PLXNA1: variants seen among roughly 807,000 people sequenced by gnomAD.
PLXNA1 encodes the protein plexin-A1.
In PLXNA1, 77 loss-of-function variants were observed where a neutral mutation model predicts 191.7. The observed-to-expected ratio is 0.40, with a 90% confidence interval of 0.33 to 0.49. The LOEUF (loss-of-function observed/expected upper bound fraction) is 0.49. Among genes scored for constraint, PLXNA1 ranks in the 20% least tolerant of loss-of-function variants. The probability of loss-of-function intolerance (pLI) is 0.63; values close to 1 mark genes in which losing one functional copy is unlikely to be tolerated. For missense variants in PLXNA1, 2,110 were observed against 2,660.2 expected (o/e 0.79, Z 4.55); for synonymous variants, 1,137 against 1,156.4 (o/e 0.98, Z 0.34).
intron 23 of PLXNA1, among the ~76,000 whole-genome samples, chr3:127,025,862 CT>C (rs762180031): frequency 3.3e-5 from 5 of 152,360 alleles, no homozygotes; most frequent in Admixed American, 1.3e-4. Flanking sequence ...CATGGATGAA[CT>C]TTGAGAACAC....
rs1576678120 is a variant in PLXNA1 at position 127,007,834 on chromosome 3, A to G, written c.2033A>G (p.His678Arg). The change falls in exon 9 of 32, where the codon CAC becomes CGC. Residue 678 changes from histidine (H) to arginine (R), a missense_variant. Physicochemically the swap from His to Arg is conservative, Grantham distance 29. This residue lies in a region of PLXNA1 where 903 missense variants were observed against 1,015.7 expected (regional missense o/e 0.89). Coordinates refer to ENST00000393409, the MANE Select transcript of PLXNA1 (RefSeq NM_032242.4). ...TGTGTCAACGGCTCCTTTCCCTGCC[A>G]CTGGTGCAAATACCGCCACGTGTGC... ...LSCVNGSFPC[H>R]WCKYRHVCTH... is the part of the protein sequence containing the mutation. The G allele has an allele frequency of 2.5e-6, 4 of 1,612,796 alleles. No individual in the cohort carries two copies. The highest frequency in any genetic ancestry group is 3.4e-6 in the Non-Finnish European group (4 of 1,179,446).
At chr3:126,992,845 G>C (rs890526914) in intron 3 of PLXNA1, among the ~76,000 whole-genome samples, 1 of 152,078 alleles carries the variant, frequency 6.6e-6, no homozygotes, top group Non-Finnish European at 1.5e-5. Flanking sequence ...GCTCTGGTGC[G>C]AGGCCCCTCC....
intron 8 of PLXNA1, 32 bp from the exon 9 acceptor site, chr3:127,007,767 C>T (rs377011218): frequency 2.7e-6 from 4 of 1,496,598 alleles, no homozygotes; most frequent in East Asian, 2.3e-5. Flanking sequence ...GTTGCGGGTC[C>T]CCAGGCTTCA....
intron 9 of PLXNA1, among the ~76,000 whole-genome samples, chr3:127,009,807 G>A (rs1408133185): frequency 5.3e-5 from 8 of 152,220 alleles, no homozygotes; most frequent in South Asian, 2.1e-4. Flanking sequence ...GGGAAGGGCC[G>A]CCAGACTGGG....
At chr3:126,991,649 G>A in intron 3 of PLXNA1, 83 bp downstream of exon 3, 1 of 1,359,382 alleles carries the variant, frequency 7.4e-7, no homozygotes, top group Non-Finnish European at 9.8e-7. Flanking sequence ...CAGGCCCAGT[G>A]CTGCTGTATG....
chr3:127,028,832 G>C (rs2107637834), intron 25 of PLXNA1, 161 bp from the exon 26 acceptor site: 1 of 614,858 alleles, frequency 1.6e-6, no homozygotes, highest in Admixed American at 2.8e-5. Flanking sequence ...ACATTGCAGG[G>C]GACTATGGCA....
rs1253805573 is a variant in PLXNA1, at chr3:126,989,305, A to G, written c.712A>G (p.Lys238Glu). The G allele has an allele frequency of 6.2e-7, 1 of 1,613,688 alleles. No individual in the cohort carries two copies. Among genetic ancestry groups the G allele is most frequent in the Non-Finnish European group, 8.5e-7 (1 of 1,180,036 alleles). ...QLKIPSDTLSKFPAFDIYYVY... is the reference protein window; with the variant it reads ...QLKIPSDTLSEFPAFDIYYVY... Reference sequence around the variant, plus strand: ...CAAGATCCCTTCGGACACGCTGTCCAAGTTCCCGGCCTTTGACATCTACTA... The same window carrying G: ...CAAGATCCCTTCGGACACGCTGTCCGAGTTCCCGGCCTTTGACATCTACTA... The change falls in exon 2 of 32, where the codon AAG becomes GAG. Residue 238 changes from lysine (K) to glutamate (E), a missense_variant. Physicochemically the swap from Lys to Glu is moderately conservative, Grantham distance 56 (BLOSUM62 1). Coordinates refer to ENST00000393409, the MANE Select transcript of PLXNA1 (RefSeq NM_032242.4).
In PLXNA1 at chr3:127,034,088, GCATGCGTGTGGA is replaced by G; in HGVS notation, c.*72_*83del. 1 of 1,357,390 alleles carries G rather than the reference GCATGCGTGTGGA, an allele frequency of 7.4e-7. No individual in the cohort carries two copies. Among genetic ancestry groups the G allele is most frequent in the East Asian group, 2.5e-5 (1 of 39,934 alleles). The allele number at this position is 1,357,390 out of a possible 1,614,324, so 84.1% of individuals were successfully genotyped here. A position where few individuals can be genotyped will look rare whatever the true frequency, so the allele number is the denominator to read the frequency against. ...AGCAGGGACCGGGACAGCCCTCACCGCATGCGTGTGGAGTGTCCGGTGGTGCTCGGGCCGCCG... is the reference window on the plus strand; with the variant it reads ...AGCAGGGACCGGGACAGCCCTCACCGGTGTCCGGTGGTGCTCGGGCCGCCG... On this transcript the variant is annotated 3_prime_UTR_variant, in exon 32 of 32. Transcript: ENST00000393409.
At position 127,028,960 on chromosome 3, in the gene PLXNA1, G is replaced by A. The variant is rs2079191300; in HGVS notation, c.4670-33G>A. ...GATGGAGGAGGGAAAGAGGGCCCCA[G>A]CGGCCCCACCCTCCAGCTCCCTCCT... is the stretch of plus-strand genomic sequence containing the variant. On this transcript the variant is annotated intron_variant, in intron 25 of 31. Coordinates refer to ENST00000393409, the MANE Select transcript of PLXNA1 (RefSeq NM_032242.4). 4.5e-6 allele frequency: 7 copies of A among 1,567,538 alleles called. No homozygotes were observed. The East Asian group carries it at 6.7e-5, about 15-fold the overall frequency.
At chr3:127,002,152 C>T (rs934436037) in intron 3 of PLXNA1, among the ~76,000 whole-genome samples, 2 of 152,234 alleles carry the variant, frequency 1.3e-5, no homozygotes, top group Non-Finnish European at 2.9e-5. Context: ...CATCTCTCCT[C>T]CCAGAGGCCG....
intron 25 of PLXNA1, chr3:127,028,781 CT>C: frequency 1.7e-6 from 1 of 589,698 alleles, no homozygotes; most frequent in South Asian, 2.0e-5. Context: ...GGCAGACCCC[CT>C]TAGGCTGGGG....
rs747310304 is a variant in PLXNA1, at chr3:127,028,102, C to T, written c.4509+16C>T. 3 of 1,613,834 alleles carry T rather than the reference C, an allele frequency of 1.9e-6. No individual in the cohort carries two copies. The highest frequency in any genetic ancestry group is 2.5e-6 in the Non-Finnish European group (3 of 1,179,974). On this transcript the variant is annotated intron_variant, in intron 24 of 31. Coordinates refer to ENST00000393409, the MANE Select transcript of PLXNA1 (RefSeq NM_032242.4). ...CAAGACACTGGTGAGCGTGGCTGCC[C>T]TCTGTCCTGGGTGCCCTGGTGCCCC...
intron 23 of PLXNA1, chr3:127,026,485 G>A (rs900367429): frequency 6.6e-6 from 1 of 152,170 alleles, no homozygotes; most frequent in African/African-American, 2.4e-5. Flanking sequence ...GGGAACCCTC[G>A]GACAGGTGTC....
At chr3:126,994,634 C>T (rs1050366451) in intron 3 of PLXNA1, among the ~76,000 whole-genome samples, 2 of 152,304 alleles carry the variant, frequency 1.3e-5, no homozygotes, top group Admixed American at 1.3e-4. Context: ...GATGCTTGCT[C>T]CCCGCTGGCC....
chr3:127,020,134 G>GT (rs1559963565), intron 20 of PLXNA1, 68 bp from the exon 21 acceptor site: 1 of 1,570,330 alleles, frequency 6.4e-7, no homozygotes, highest in East Asian at 2.2e-5. Flanking sequence ...GGCCCCAAGA[G>GT]TGGGAGGGTT....
Position 127,029,548 on chromosome 3 carries a change from G to A in PLXNA1, c.4870+12G>A, listed in dbSNP as rs750420939. ...CCTCAGCAGATACGGTGAGGGGCCA[G>A]GCAGCGGGCGAGAGGGCAGCGCATG... On this transcript the variant is annotated intron_variant, in intron 27 of 31. Coordinates refer to ENST00000393409, the MANE Select transcript of PLXNA1 (RefSeq NM_032242.4). 6.2e-7 allele frequency: 1 copy of A among 1,612,682 alleles called. No individual in the cohort carries two copies. The highest frequency in any genetic ancestry group is 8.5e-7 in the Non-Finnish European group (1 of 1,179,098).
intron 15 of PLXNA1, among the ~76,000 whole-genome samples, chr3:127,016,264 C>A (rs1357394042): frequency 6.6e-6 from 1 of 152,118 alleles, no homozygotes; most frequent in Non-Finnish European, 1.5e-5. Flanking sequence ...TGAAAGCAGA[C>A]CTGGAGAGGC....
rs779948801 is a variant in PLXNA1 at position 127,020,257 on chromosome 3, C to T, written c.3951C>T (p.Ala1317=). ...AGCTGACCAATGACCTGGACGGTGC[C>T]GGCATCCCCTTCCTTGACTACCGGA... ...IHELTNDLDG[A]GIPFLDYRTY... The change falls in exon 21 of 32, where the codon GCC becomes GCT. Residue 1317 remains alanine (A), a synonymous_variant. Transcript: ENST00000393409. 7.4e-6 allele frequency: 12 copies of T among 1,613,088 alleles called. No homozygotes were observed. The Admixed American group carries it at 8.3e-5, about 11-fold the overall frequency.
At chr3:127,026,598 G>A (rs1423736950) in intron 23 of PLXNA1, 2 of 152,370 alleles carry the variant, frequency 1.3e-5, no homozygotes, top group South Asian at 4.1e-4. Context: ...ATGAAACCAA[G>A]TTTGCAAATG....
Sources: gnomAD v4.1 joint callset for allele counts (sites outside exome capture counted in the v4.1 genomes callset) on GRCh38, gnomAD v4.1.1 for gene constraint, gnomAD v4.1.1 regional missense constraint, MANE v1.5 for transcripts, NCBI Gene and HGNC (gene_info 2026-07-23, HGNC 2026-07-21) for gene names.